The following PLXDC2 variants were observed in gnomAD, a reference collection of about 807,000 sequenced individuals.
PLXDC2 encodes the protein plexin domain containing 2.
PLXDC2 carries 40 observed loss-of-function variants against 68.9 expected under a neutral mutation model. The observed-to-expected ratio is 0.58, with a 90% CI of 0.45 to 0.76. PLXDC2 has a LOEUF of 0.76. Among genes scored for constraint, PLXDC2 ranks in the 30% least tolerant of loss-of-function variants. The pLI, the probability that PLXDC2 is intolerant of heterozygous loss-of-function variation, is 0.00. For missense variants in PLXDC2, 644 were observed against 661.9 expected (o/e 0.97, Z 0.30); for synonymous variants, 243 against 234.2 (o/e 1.04, Z -0.34).
intron 1 of PLXDC2, among the ~76,000 whole-genome samples, chr10:19,913,240 G>C (rs1195427102): frequency 6.6e-6 from 1 of 152,050 alleles, no homozygotes; most frequent in African/African-American, 2.4e-5. Context: ...TCCCTTTGCT[G>C]CTGTTCTTGT....
chr10:19,863,627 C>T (rs558992583), intron 1 of PLXDC2, among the ~76,000 whole-genome samples: 19 of 152,204 alleles, frequency 1.2e-4, no homozygotes, highest in African/African-American at 4.6e-4. Context: ...TGACTTAGTA[C>T]CCGAAAGAAA....
At chr10:19,864,654 A>C (rs1022306253) in intron 1 of PLXDC2, among the ~76,000 whole-genome samples, 5 of 152,198 alleles carry the variant, frequency 3.3e-5, no homozygotes, top group Non-Finnish European at 7.3e-5. Context: ...ATTTTATTAT[A>C]TGTGCTACTG....
chr10:20,073,691 A>T (rs1162629627), intron 4 of PLXDC2, among the ~76,000 whole-genome samples: 1 of 152,188 alleles, frequency 6.6e-6, no homozygotes, highest in East Asian at 1.9e-4. Flanking sequence ...GAATACAAAT[A>T]TTTCAGGCAC....
Position 20,082,414 on chromosome 10 carries a change from T to C in PLXDC2, c.541+14175T>C, listed in dbSNP as rs563256257. Among the ~76,000 whole-genome samples, 14 of 152,202 alleles carry C rather than the reference T, an allele frequency of 9.2e-5. No homozygotes were observed. In the East Asian group the frequency reaches 2.5e-3, roughly 27 times the overall value. On this transcript the variant is annotated intron_variant, in intron 4 of 13. Transcript: ENST00000377252. ...GCAACTTTCTGTACATGTAAACTTA[T>C]TCTAAAATTAAAAGTTTATTTTTAA...
intron 6 of PLXDC2, among the ~76,000 whole-genome samples, chr10:20,157,095 G>A (rs1426167144): frequency 6.6e-6 from 1 of 152,150 alleles, no homozygotes; most frequent in African/African-American, 2.4e-5. Flanking sequence ...AAGAGATCAT[G>A]ACTCTTAAAA....
intron 3 of PLXDC2, among the ~76,000 whole-genome samples, chr10:20,058,248 C>T (rs2131696312): frequency 6.6e-6 from 1 of 152,232 alleles, no homozygotes; most frequent in Non-Finnish European, 1.5e-5. Flanking sequence ...GTACCCATCA[C>T]ATAGAGGATT....
At chr10:20,210,489 G>A (rs1306590560) in intron 9 of PLXDC2, among the ~76,000 whole-genome samples, 1 of 152,064 alleles carries the variant, frequency 6.6e-6, no homozygotes, top group Non-Finnish European at 1.5e-5. Context: ...AGAGTACGTA[G>A]GGAAGACAGA....
chr10:20,039,152 G>A (rs1414940432), intron 2 of PLXDC2, among the ~76,000 whole-genome samples: 1 of 152,074 alleles, frequency 6.6e-6, no homozygotes, highest in Non-Finnish European at 1.5e-5. Context: ...TCCTCCCCTT[G>A]GTTCCTTCCT....
At chr10:19,917,851 C>A (rs1833396892) in intron 1 of PLXDC2, among the ~76,000 whole-genome samples, 1 of 152,156 alleles carries the variant, frequency 6.6e-6, no homozygotes, top group Admixed American at 6.6e-5. Flanking sequence ...AACTGGGGGA[C>A]TGGACAACAA....
chr10:19,866,152 T>G (rs975524169), intron 1 of PLXDC2, among the ~76,000 whole-genome samples: 4 of 152,242 alleles, frequency 2.6e-5, no homozygotes, highest in Non-Finnish European at 5.9e-5. Context: ...TGGAACTGAA[T>G]AGCAATATAA....
intron 1 of PLXDC2, among the ~76,000 whole-genome samples, chr10:19,925,693 G>A (rs1589539244): frequency 6.6e-6 from 1 of 152,188 alleles, no homozygotes; most frequent in Non-Finnish European, 1.5e-5. Flanking sequence ...GTAAGGGACT[G>A]CTATGGGGTG....
intron 1 of PLXDC2, among the ~76,000 whole-genome samples, chr10:19,912,067 C>T (rs1833282131): frequency 1.3e-5 from 2 of 152,160 alleles, no homozygotes; most frequent in African/African-American, 2.4e-5. Context: ...ACTGATTCCA[C>T]ATGTTACTTT....
intron 1 of PLXDC2, among the ~76,000 whole-genome samples, chr10:19,918,301 T>A (rs900558637): frequency 6.6e-6 from 1 of 152,188 alleles, no homozygotes; most frequent in Non-Finnish European, 1.5e-5. Context: ...TTCAAAAGAA[T>A]GTAATTAACC....
intron 13 of PLXDC2, among the ~76,000 whole-genome samples, chr10:20,271,761 A>T (rs1281904338): frequency 6.6e-6 from 1 of 152,058 alleles, no homozygotes; most frequent in East Asian, 1.9e-4. Flanking sequence ...GGCTAATTAG[A>T]TGTGATCTTC....
At chr10:19,935,027 A>T (rs1833699546) in intron 1 of PLXDC2, among the ~76,000 whole-genome samples, 1 of 152,236 alleles carries the variant, frequency 6.6e-6, no homozygotes, top group Non-Finnish European at 1.5e-5. Flanking sequence ...GAAAAAGGAC[A>T]TATGCTCCCC....
At chr10:20,158,326 CA>C (rs987338574) in intron 6 of PLXDC2, among the ~76,000 whole-genome samples, 1 of 151,982 alleles carries the variant, frequency 6.6e-6, no homozygotes. Context: ...ATGACAATAA[CA>C]TGTTCATTCT....
intron 2 of PLXDC2, among the ~76,000 whole-genome samples, chr10:20,030,347 T>C (rs1293019810): frequency 6.6e-6 from 1 of 152,196 alleles, no homozygotes; most frequent in Non-Finnish European, 1.5e-5. Flanking sequence ...TGTGACTTGT[T>C]CTGATGAAAA....
chr10:19,925,499 A>G (rs1238909103), intron 1 of PLXDC2, among the ~76,000 whole-genome samples: 5 of 152,240 alleles, frequency 3.3e-5, no homozygotes. Context: ...AAATAAGGCC[A>G]CTATCTGATT....
intron 2 of PLXDC2, 51 bp downstream of exon 2, chr10:20,002,037 T>C: frequency 1.9e-6 from 3 of 1,541,148 alleles, no homozygotes; most frequent in Non-Finnish European, 2.6e-6. Flanking sequence ...TTATTTCATG[T>C]AGGTGCCCAA....
Sources: gnomAD v4.1 joint callset for allele counts (sites outside exome capture counted in the v4.1 genomes callset) on GRCh38, gnomAD v4.1.1 for gene constraint, MANE v1.5 for transcripts, NCBI Gene and HGNC (gene_info 2026-07-23, HGNC 2026-07-21) for gene names.